Variants in RAPGEF6 observed in about 807,000 individuals in gnomAD.
RAPGEF6 encodes the protein PDZ domain containing guanine nucleotide exchange factor (GEF) 2.
RAPGEF6 carries 56 observed loss-of-function variants against 171.4 expected under a neutral mutation model. That is an observed-to-expected ratio of 0.33 (90% CI 0.26 to 0.41). The LOEUF (loss-of-function observed/expected upper bound fraction) is 0.41. Ranked by LOEUF, RAPGEF6 falls within the 10% of genes least tolerant of loss-of-function variation. The probability of loss-of-function intolerance (pLI) is 1.00; values close to 1 mark genes in which losing one functional copy is unlikely to be tolerated. For synonymous variants in RAPGEF6, 692 were observed against 650.1 expected, an observed-to-expected ratio of 1.06 and a Z score of -0.98; for missense variants, 1,674 against 1,921.4, an observed-to-expected ratio of 0.87 and a Z score of 2.41.
intron 17 of RAPGEF6, among the ~76,000 whole-genome samples, chr5:131,470,466 C>T (rs1176734557): frequency 6.6e-6 from 1 of 152,188 alleles, no homozygotes; most frequent in Non-Finnish European, 1.5e-5. Flanking sequence ...CTCTTGCCTC[C>T]TCCTACAACC....
At chr5:131,505,630 G>A (rs1757326197) in intron 9 of RAPGEF6, 108 bp from the exon 10 acceptor site, 2 of 1,012,502 alleles carry the variant, frequency 2.0e-6, no homozygotes, top group Non-Finnish European at 1.4e-6. Flanking sequence ...AAGGAAAAAG[G>A]AGGATCTGGT....
chr5:131,528,275 T>TTA (rs1158226677), intron 6 of RAPGEF6, among the ~76,000 whole-genome samples: 48 of 123,906 alleles, frequency 3.9e-4, no homozygotes, highest in Admixed American at 1.7e-3. Flanking sequence ...TATATTTATA[T>TTA]TATATATATA....
intron 9 of RAPGEF6, among the ~76,000 whole-genome samples, chr5:131,507,336 C>G (rs1412107719): frequency 6.6e-6 from 1 of 151,786 alleles, no homozygotes; most frequent in African/African-American, 2.4e-5. Context: ...AGTGGAATAA[C>G]AGGCTAGCAG....
intron 26 of RAPGEF6, among the ~76,000 whole-genome samples, chr5:131,429,994 G>A (rs1298515799): frequency 6.7e-6 from 1 of 149,962 alleles, no homozygotes; most frequent in Admixed American, 6.7e-5. Context: ...AGGTTGCAGT[G>A]AGCCGAGGTC....
intron 24 of RAPGEF6, chr5:131,436,500 A>G: frequency 1.0e-6 from 1 of 977,930 alleles, no homozygotes; most frequent in Non-Finnish European, 1.5e-6. Flanking sequence ...GAAATCTAGC[A>G]ACATATTTTT....
chr5:131,446,043 ATTTT>A (rs1039466174), intron 22 of RAPGEF6, among the ~76,000 whole-genome samples: 1 of 151,206 alleles, frequency 6.6e-6, no homozygotes, highest in African/African-American at 2.4e-5. Context: ...AATGTGTCTG[ATTTT>A]TTTTTGTTTT....
At chr5:131,584,860 T>C (rs1277418228) in intron 4 of RAPGEF6, among the ~76,000 whole-genome samples, 2 of 152,216 alleles carry the variant, frequency 1.3e-5, no homozygotes, top group Non-Finnish European at 2.9e-5. Flanking sequence ...TGGCCAGCCT[T>C]GTGTCAATTA....
rs541628173 is a variant in RAPGEF6, at chr5:131,489,758, T to G, written c.1732-104A>C. The G allele has an allele frequency of 8.6e-4, 498 of 580,428 alleles. 4 individuals are homozygous for G. Among genetic ancestry groups the G allele is most frequent in the South Asian group, 5.6e-3 (206 of 36,924 alleles). The allele number at this position is 580,428 out of a possible 1,614,324, so 36.0% of individuals were successfully genotyped here. A position where few individuals can be genotyped will look rare whatever the true frequency, so the allele number is the denominator to read the frequency against. The stretch of plus-strand genomic sequence containing the variant: ...TAAATAAAATGAAACTTGAATAAAA[T>G]GTACTCCTATGTGAACAACAGTTAT... On this transcript the variant is annotated intron_variant, in intron 14 of 27. Coordinates refer to ENST00000509018, the MANE Select transcript of RAPGEF6 (RefSeq NM_016340.6).
At chr5:131,586,762 T>C (rs2149997734) in intron 4 of RAPGEF6, among the ~76,000 whole-genome samples, 1 of 152,338 alleles carries the variant, frequency 6.6e-6, no homozygotes, top group South Asian at 2.1e-4. Context: ...CTTGTATTAC[T>C]AAGTGTTGGT....
rs1751352227 is a variant in RAPGEF6, at chr5:131,425,443, A to G, written c.*1823T>C. On this transcript the variant is annotated 3_prime_UTR_variant, in exon 28 of 28. Coordinates refer to ENST00000509018, the MANE Select transcript of RAPGEF6 (RefSeq NM_016340.6). ...ATGTATAATCATAGGACCACTGTTTATAGGCCAAATCACTGAAGTGTAACT... is the reference window on the plus strand; with the variant it reads ...ATGTATAATCATAGGACCACTGTTTGTAGGCCAAATCACTGAAGTGTAACT... 1 of 152,380 alleles carries G rather than the reference A, an allele frequency of 6.6e-6. No homozygotes were observed. Among genetic ancestry groups the G allele is most frequent in the Non-Finnish European group, 1.5e-5 (1 of 68,028 alleles). The allele number at this position is 152,380 out of a possible 1,614,324, so 9.4% of individuals were successfully genotyped here.
At chr5:131,572,914 T>C (rs1350770096) in intron 4 of RAPGEF6, among the ~76,000 whole-genome samples, 1 of 152,198 alleles carries the variant, frequency 6.6e-6, no homozygotes, top group East Asian at 1.9e-4. Context: ...TTTGTCTTCT[T>C]ACAAAACCTA....
At chr5:131,596,579 G>C (rs1763918816) in intron 3 of RAPGEF6, among the ~76,000 whole-genome samples, 1 of 151,922 alleles carries the variant, frequency 6.6e-6, no homozygotes, top group Non-Finnish European at 1.5e-5. Context: ...AAAAAAGCAT[G>C]GTACTGACAT....
At chr5:131,512,564 T>C (rs1251814672) in intron 7 of RAPGEF6, among the ~76,000 whole-genome samples, 3 of 152,152 alleles carry the variant, frequency 2.0e-5, no homozygotes, top group Non-Finnish European at 2.9e-5. Context: ...CCTAAGACCA[T>C]GTCTTATACT....
intron 21 of RAPGEF6, chr5:131,447,342 T>C (rs1195247243): frequency 6.6e-6 from 1 of 152,294 alleles, no homozygotes; most frequent in African/African-American, 2.4e-5. Context: ...CCCTCAAATA[T>C]GGAATGGTTA....
chr5:131,479,470 T>C, intron 16 of RAPGEF6, 43 bp downstream of exon 16: 3 of 1,600,904 alleles, frequency 1.9e-6, no homozygotes, highest in South Asian at 1.1e-5. Flanking sequence ...AACTTTACAG[T>C]GAAGATGAAA....
intron 11 of RAPGEF6, among the ~76,000 whole-genome samples, chr5:131,502,013 A>C (rs1425733581): frequency 6.6e-6 from 1 of 152,198 alleles, no homozygotes; most frequent in Admixed American, 6.5e-5. Context: ...TGGTACAGTT[A>C]AGTTCACGAT....
intron 21 of RAPGEF6, among the ~76,000 whole-genome samples, chr5:131,448,660 C>T (rs987055493): frequency 2.0e-5 from 3 of 151,996 alleles, no homozygotes; most frequent in Admixed American, 6.6e-5. Flanking sequence ...CTGTGATAAA[C>T]GTCGATAAAA....
At chr5:131,506,566 G>A (rs981561427) in intron 9 of RAPGEF6, among the ~76,000 whole-genome samples, 1 of 152,276 alleles carries the variant, frequency 6.6e-6, no homozygotes, top group Admixed American at 6.5e-5. Context: ...GGTTAGTTCT[G>A]AAGGGTAATC....
At chr5:131,538,225 G>A (rs569071871) in intron 6 of RAPGEF6, among the ~76,000 whole-genome samples, 4 of 152,204 alleles carry the variant, frequency 2.6e-5, no homozygotes, top group Non-Finnish European at 5.9e-5. Context: ...TCAAAATACA[G>A]TCATGCATTG....
Sources: gnomAD v4.1 joint callset for allele counts (sites outside exome capture counted in the v4.1 genomes callset) on GRCh38, gnomAD v4.1.1 for gene constraint, MANE v1.5 for transcripts, NCBI Gene and HGNC (gene_info 2026-07-23, HGNC 2026-07-21) for gene names.